Variants in MBOAT2 observed in about 807,000 individuals in gnomAD.
MBOAT2 encodes the protein membrane-bound glycerophospholipid O-acyltransferase 2.
MBOAT2 carries 28 observed loss-of-function variants against 63.4 expected under a neutral mutation model. That is an observed-to-expected ratio of 0.44 (90% CI 0.33 to 0.61). The LOEUF is 0.61. Ranked by LOEUF, MBOAT2 falls within the 20% of genes least tolerant of loss-of-function variation. The pLI is 0.03. For synonymous variants in MBOAT2, 211 were observed against 215.6 expected, an observed-to-expected ratio of 0.98 and a Z score of 0.19; for missense variants, 470 against 605.8, an observed-to-expected ratio of 0.78 and a Z score of 2.35.
intron 3 of MBOAT2, among the ~76,000 whole-genome samples, chr2:8,910,226 G>C (rs1665620580): frequency 1.3e-5 from 2 of 152,262 alleles, no homozygotes; most frequent in South Asian, 4.1e-4. Flanking sequence ...GTTGGGGATT[G>C]GGTTGGGTGT....
At chr2:8,943,120 ATT>A in intron 3 of MBOAT2, 65 bp downstream of exon 3, 1 of 863,690 alleles carries the variant, frequency 1.2e-6, no homozygotes, top group Non-Finnish European at 1.7e-6. Flanking sequence ...AATAAATAAA[ATT>A]CTATTTTGAT....
intron 1 of MBOAT2, among the ~76,000 whole-genome samples, chr2:8,991,430 G>A (rs1422492394): frequency 6.6e-6 from 1 of 152,176 alleles, no homozygotes; most frequent in African/African-American, 2.4e-5. Context: ...TTTCCAAGAT[G>A]TGATCTTCTC....
At chr2:8,977,500 GA>G (rs963133425) in intron 1 of MBOAT2, among the ~76,000 whole-genome samples, 2 of 152,086 alleles carry the variant, frequency 1.3e-5, no homozygotes, top group Non-Finnish European at 2.9e-5. Flanking sequence ...AGAACTCGAT[GA>G]ACATCTAATT....
intron 2 of MBOAT2, among the ~76,000 whole-genome samples, chr2:8,951,319 C>T (rs1360735439): frequency 6.6e-6 from 1 of 152,060 alleles, no homozygotes; most frequent in Non-Finnish European, 1.5e-5. Flanking sequence ...ATTCTCCTGC[C>T]TCAGCCTCCC....
chr2:8,914,882 ATTAC>A (rs914693320), intron 3 of MBOAT2, among the ~76,000 whole-genome samples: 11 of 146,182 alleles, frequency 7.5e-5, no homozygotes, highest in Non-Finnish European at 1.3e-4. Flanking sequence ...ACTAAAATAT[ATTAC>A]TTAATGTGCT....
rs1049949385 is a variant in MBOAT2, at chr2:8,855,525, T to C, written c.*3154A>G. On this transcript the variant is annotated 3_prime_UTR_variant, in exon 13 of 13. Transcript: ENST00000305997. ...ATGGTGGAGACCAATAAATATATTT[T>C]TGAAGCAAATGGGCAGTAGTGGCTA... is the stretch of plus-strand genomic sequence containing the variant. 5.3e-5 allele frequency: 8 copies of C among 152,238 alleles called. No homozygotes were observed. The highest frequency in any genetic ancestry group is 9.6e-5 in the African/African-American group (4 of 41,454). The allele number at this position is 152,238 out of a possible 1,614,324, so 9.4% of individuals were successfully genotyped here.
intron 11 of MBOAT2, chr2:8,861,256 T>C (rs1661474448): frequency 6.6e-6 from 1 of 152,386 alleles, no homozygotes; most frequent in Non-Finnish European, 1.5e-5. Flanking sequence ...TGCAAGTGCA[T>C]GGTGTATTTG....
At chr2:8,993,604 C>T (rs1672062740) in intron 1 of MBOAT2, among the ~76,000 whole-genome samples, 1 of 152,184 alleles carries the variant, frequency 6.6e-6, no homozygotes, top group South Asian at 2.1e-4. Flanking sequence ...CCCCTGGGAA[C>T]ACCCAGCATG....
At chr2:8,957,150 A>C (rs1406593604) in intron 2 of MBOAT2, among the ~76,000 whole-genome samples, 1 of 152,242 alleles carries the variant, frequency 6.6e-6, no homozygotes, top group African/African-American at 2.4e-5. Flanking sequence ...TGGAATTTTA[A>C]TAATCTGAAG....
chr2:8,976,170 C>G (rs138544207), intron 1 of MBOAT2, among the ~76,000 whole-genome samples: 6 of 152,022 alleles, frequency 3.9e-5, no homozygotes, highest in African/African-American at 1.4e-4. Flanking sequence ...TCATACAAAC[C>G]AAAAAGCAGT....
At position 8,941,238 on chromosome 2, in the gene MBOAT2, A is replaced by G. The variant is rs1490025697; in HGVS notation, c.299+1949T>C. 3.3e-5 allele frequency among the ~76,000 whole-genome samples: 5 copies of G among 152,214 alleles called. No homozygotes were observed. The East Asian group carries it at 7.7e-4, about 23-fold the overall frequency. The stretch of plus-strand genomic sequence containing the variant: ...CTGCCAATCCTAGCAATTTACTCAC[A>G]TGGCAAACCTTACTTACCTGCCCTA... On this transcript the variant is annotated intron_variant, in intron 3 of 12. Transcript: ENST00000305997.
chr2:8,991,551 G>C (rs1671918828), intron 1 of MBOAT2, among the ~76,000 whole-genome samples: 1 of 152,164 alleles, frequency 6.6e-6, no homozygotes, highest in African/African-American at 2.4e-5. Flanking sequence ...TGCTTGACAT[G>C]GTTTCCAAGC....
At position 8,899,200 on chromosome 2, in the gene MBOAT2, A is replaced by G. The variant is rs1460424697; in HGVS notation, c.395+9421T>C. On this transcript the variant is annotated intron_variant, in intron 4 of 12. Transcript: ENST00000305997. Reference sequence around the variant, plus strand: ...TCCCTCTTCAAGTAGTGGACAACAAATGGGTAACTTGTTCCCCATATTCAC... The same window carrying G: ...TCCCTCTTCAAGTAGTGGACAACAAGTGGGTAACTTGTTCCCCATATTCAC... Among the ~76,000 whole-genome samples, 3 of 152,286 alleles carry G rather than the reference A, an allele frequency of 2.0e-5. No homozygotes were observed. In the East Asian group the frequency reaches 5.8e-4, roughly 29 times the overall value.
intron 2 of MBOAT2, among the ~76,000 whole-genome samples, chr2:8,948,304 T>C (rs1209827884): frequency 1.3e-5 from 2 of 152,246 alleles, no homozygotes; most frequent in African/African-American, 2.4e-5. Context: ...CTGGTAAAGA[T>C]ACTGTGAACA....
intron 2 of MBOAT2, among the ~76,000 whole-genome samples, chr2:8,944,672 C>T (rs1330819587): frequency 6.6e-6 from 1 of 151,938 alleles, no homozygotes. Flanking sequence ...CACACACACA[C>T]ACACACACAC....
chr2:8,882,593 A>G (rs773883339), intron 5 of MBOAT2, 28 bp from the exon 6 acceptor site: 2 of 1,612,030 alleles, frequency 1.2e-6, no homozygotes, highest in South Asian at 2.2e-5. Context: ...GTACTCATCA[A>G]TTAAGATTTC....
At chr2:8,902,378 A>G (rs1422227442) in intron 4 of MBOAT2, among the ~76,000 whole-genome samples, 1 of 152,198 alleles carries the variant, frequency 6.6e-6, no homozygotes, top group Non-Finnish European at 1.5e-5. Context: ...TTCTTGGTCA[A>G]GCTGACTTCA....
At chr2:8,943,356 A>T (rs1179465574) in intron 2 of MBOAT2, 92 bp from the exon 3 acceptor site, 1 of 666,484 alleles carries the variant, frequency 1.5e-6, no homozygotes, top group Non-Finnish European at 2.5e-6. Context: ...TATGCATAAC[A>T]CAGTATTCCC....
At chr2:8,872,656 A>C (rs2148523468) in intron 8 of MBOAT2, among the ~76,000 whole-genome samples, 1 of 152,256 alleles carries the variant, frequency 6.6e-6, no homozygotes, top group South Asian at 2.1e-4. Flanking sequence ...ATAACTGATG[A>C]CCCCCTATCA....
Sources: allele counts gnomAD v4.1 joint callset (sites outside exome capture counted in the v4.1 genomes callset), GRCh38; gene constraint gnomAD v4.1.1; transcripts MANE v1.5; gene names NCBI Gene and HGNC (gene_info 2026-07-23, HGNC 2026-07-21).